Variants in TMEM132C observed in about 807,000 individuals in gnomAD.
The protein encoded by TMEM132C is transmembrane protein 132C.
A neutral mutation model predicts 61.4 loss-of-function variants in TMEM132C; 29 were observed. That is an observed-to-expected ratio of 0.47 (90% CI 0.35 to 0.64). TMEM132C has a LOEUF of 0.64. Among genes scored for constraint, TMEM132C ranks in the 30% least tolerant of loss-of-function variants. The probability of loss-of-function intolerance (pLI) is 0.00; values close to 1 mark genes in which losing one functional copy is unlikely to be tolerated. For synonymous variants in TMEM132C, 656 were observed against 633.1 expected (o/e 1.04, Z -0.54); for missense variants, 1,408 against 1,476.9 (o/e 0.95, Z 0.76).
intron 5 of TMEM132C, among the ~76,000 whole-genome samples, chr12:128,673,707 A>G (rs1448908933): frequency 6.6e-6 from 1 of 152,268 alleles, no homozygotes; most frequent in African/African-American, 2.4e-5. Context: ...GCTTTGCCAC[A>G]TTCAAGCTGT....
intron 2 of TMEM132C, among the ~76,000 whole-genome samples, chr12:128,421,379 G>A (rs969703543): frequency 1.1e-4 from 16 of 152,214 alleles, no homozygotes; most frequent in Non-Finnish European, 2.1e-4. Context: ...TTGGATCATC[G>A]AGGTCCATTG....
intron 5 of TMEM132C, among the ~76,000 whole-genome samples, chr12:128,689,178 A>G (rs780917691): frequency 1.3e-5 from 2 of 152,030 alleles, no homozygotes; most frequent in Non-Finnish European, 2.9e-5. Flanking sequence ...TTATAATTGT[A>G]TATATTTATG....
chr12:128,588,515 A>G (rs1361579399), intron 3 of TMEM132C, among the ~76,000 whole-genome samples: 3 of 152,146 alleles, frequency 2.0e-5, no homozygotes, highest in African/African-American at 7.2e-5. Flanking sequence ...ACGTAGTTGG[A>G]GTCTTTTAGT....
At chr12:128,332,958 G>T (rs967647188) in intron 1 of TMEM132C, among the ~76,000 whole-genome samples, 4 of 152,186 alleles carry the variant, frequency 2.6e-5, no homozygotes, top group African/African-American at 9.7e-5. Flanking sequence ...GGAGTCCAGG[G>T]CTAGAAAATA....
At chr12:128,523,649 G>A (rs967627313) in intron 2 of TMEM132C, among the ~76,000 whole-genome samples, 1 of 151,766 alleles carries the variant, frequency 6.6e-6, no homozygotes, top group Non-Finnish European at 1.5e-5. Context: ...CCTTGAAAAG[G>A]GATGTTCTTT....
chr12:128,594,224 G>C (rs1392788440), intron 3 of TMEM132C, among the ~76,000 whole-genome samples: 1 of 152,024 alleles, frequency 6.6e-6, no homozygotes, highest in Non-Finnish European at 1.5e-5. Context: ...ACCCCAGGGG[G>C]GCGCCACATA....
chr12:128,346,838 A>G (rs1020942145), intron 1 of TMEM132C, among the ~76,000 whole-genome samples: 4 of 152,310 alleles, frequency 2.6e-5, no homozygotes, highest in Admixed American at 6.5e-5. Context: ...ATTCTATTCT[A>G]CTGATCTGTA....
chr12:128,308,437 C>T (rs1024820028), intron 1 of TMEM132C, among the ~76,000 whole-genome samples: 5 of 152,014 alleles, frequency 3.3e-5, no homozygotes, highest in Non-Finnish European at 7.4e-5. Context: ...ATTGCACAGC[C>T]GATGGTATTT....
intron 3 of TMEM132C, among the ~76,000 whole-genome samples, chr12:128,604,100 G>A (rs1171243397): frequency 2.0e-5 from 3 of 152,222 alleles, no homozygotes; most frequent in Admixed American, 6.5e-5. Flanking sequence ...CCAGCAAGGA[G>A]CTTGTATGAG....
At chr12:128,448,161 G>A (rs1870055179) in intron 2 of TMEM132C, among the ~76,000 whole-genome samples, 3 of 152,132 alleles carry the variant, frequency 2.0e-5, no homozygotes, top group Admixed American at 2.0e-4. Context: ...GGCATTGAAG[G>A]TTACATCACT....
intron 2 of TMEM132C, among the ~76,000 whole-genome samples, chr12:128,453,740 G>C (rs1870254273): frequency 6.6e-6 from 1 of 152,196 alleles, no homozygotes; most frequent in Non-Finnish European, 1.5e-5. Flanking sequence ...CTGGCTGGTT[G>C]TGTGTGTGTT....
chr12:128,697,501 TG>T, intron 8 of TMEM132C, 86 bp downstream of exon 8: 2 of 1,344,160 alleles, frequency 1.5e-6, no homozygotes, highest in East Asian at 5.1e-5. Flanking sequence ...GAGTGAGAAA[TG>T]GGGGCAGGTT....
At chr12:128,518,240 G>A (rs1201007820) in intron 2 of TMEM132C, among the ~76,000 whole-genome samples, 1 of 152,222 alleles carries the variant, frequency 6.6e-6, no homozygotes, top group Admixed American at 6.5e-5. Context: ...GACAATTAAT[G>A]AGATGGAAAT....
intron 3 of TMEM132C, among the ~76,000 whole-genome samples, chr12:128,600,754 G>A (rs757166570): frequency 6.6e-6 from 1 of 152,234 alleles, no homozygotes; most frequent in African/African-American, 2.4e-5. Flanking sequence ...GGACCACAAT[G>A]ATGCGCTTCT....
chr12:128,585,169 G>A (rs115754299), intron 3 of TMEM132C, among the ~76,000 whole-genome samples: 5,759 of 152,298 alleles, frequency 0.038, 356 homozygotes, highest in African/African-American at 0.13. Flanking sequence ...TGTTCTTGAT[G>A]CCAAATCACC....
Position 128,689,515 on chromosome 12 carries a change from T to C in TMEM132C, c.1450-4314T>C, listed in dbSNP as rs57282019. On this transcript the variant is annotated intron_variant, in intron 5 of 8. Transcript: ENST00000435159. ...ACTTGGGTGTACAAGAAACGTGCAT[T>C]TGATTTTCTTGTATCTGAACTTCAT... is the stretch of plus-strand genomic sequence containing the variant. Among the ~76,000 whole-genome samples the C allele has an allele frequency of 9.9e-4, 150 of 152,194 alleles. 4 individuals are homozygous for C. The East Asian group carries it at 0.025, about 25-fold the overall frequency.
At chr12:128,435,044 A>T (rs1375377107) in intron 2 of TMEM132C, among the ~76,000 whole-genome samples, 3 of 152,340 alleles carry the variant, frequency 2.0e-5, no homozygotes, top group Non-Finnish European at 4.4e-5. Context: ...GTATAGAGTC[A>T]TTGCAGATGT....
rs150458369 is a variant in TMEM132C, at chr12:128,500,826, G to GAT, written c.975-43118_975-43117dup. Among the ~76,000 whole-genome samples, 229 of 150,874 alleles carry GAT rather than the reference G, an allele frequency of 1.5e-3. 1 individual carries two copies. Among genetic ancestry groups the GAT allele is most frequent in the East Asian group, 9.1e-3 (47 of 5,170 alleles). ...ACATGATTTAGTAGTTCTACTCCCAGATATATATATATATGCAAGAGGATT... is the reference window on the plus strand; with the variant it reads ...ACATGATTTAGTAGTTCTACTCCCAGATATATATATATATATGCAAGAGGATT... On this transcript the variant is annotated intron_variant, in intron 2 of 8. Transcript: ENST00000435159.
intron 4 of TMEM132C, among the ~76,000 whole-genome samples, chr12:128,622,557 G>T (rs1953978753): frequency 6.6e-6 from 1 of 151,016 alleles, no homozygotes; most frequent in Admixed American, 6.6e-5. Flanking sequence ...TGCATCCTCT[G>T]CCCTTGCTAA....
Sources: gnomAD v4.1 joint callset for allele counts (sites outside exome capture counted in the v4.1 genomes callset) on GRCh38, gnomAD v4.1.1 for gene constraint, MANE v1.5 for transcripts, NCBI Gene and HGNC (gene_info 2026-07-23, HGNC 2026-07-21) for gene names.